The following RABGAP1L variants were observed in gnomAD, a reference collection of about 807,000 sequenced individuals.
RABGAP1L encodes RAB GTPase activating protein 1 like.
A neutral mutation model predicts 137.7 loss-of-function variants in RABGAP1L; 63 were observed. That is an observed-to-expected ratio of 0.46 (90% CI 0.37 to 0.56). The LOEUF is 0.56. RABGAP1L is among the 20% of genes least tolerant of loss of function. The probability of loss-of-function intolerance (pLI) is 0.00; values close to 1 mark genes in which losing one functional copy is unlikely to be tolerated. For synonymous variants in RABGAP1L, 431 were observed against 433.7 expected (o/e 0.99, Z 0.08); for missense variants, 1,095 against 1,244.0 (o/e 0.88, Z 1.80).
At chr1:174,970,973 T>C (rs2149367119) in intron 21 of RABGAP1L, among the ~76,000 whole-genome samples, 1 of 152,010 alleles carries the variant, frequency 6.6e-6, no homozygotes, top group Admixed American at 6.5e-5. Context: ...TGTTTGCATC[T>C]AAATTTCAAG....
intron 19 of RABGAP1L, among the ~76,000 whole-genome samples, chr1:174,832,482 C>T (rs1692212152): frequency 6.8e-6 from 1 of 147,730 alleles, no homozygotes; most frequent in South Asian, 2.3e-4. Flanking sequence ...TGATGTTCCC[C>T]ACTATTCTAG....
chr1:174,989,806 G>C (rs549548358), intron 25 of RABGAP1L, 43 bp from the exon 26 acceptor site: 1 of 1,533,300 alleles, frequency 6.5e-7, no homozygotes, highest in East Asian at 2.5e-5. Flanking sequence ...TTGGCAAAGA[G>C]AAAACATTTA....
At chr1:174,953,246 A>G (rs1187343608) in intron 19 of RABGAP1L, among the ~76,000 whole-genome samples, 1 of 152,242 alleles carries the variant, frequency 6.6e-6, no homozygotes, top group Non-Finnish European at 1.5e-5. Flanking sequence ...ATATACAAAT[A>G]TGAAATAAAC....
chr1:174,609,766 T>A (rs1413263689), intron 13 of RABGAP1L, among the ~76,000 whole-genome samples: 2 of 152,222 alleles, frequency 1.3e-5, no homozygotes, highest in Non-Finnish European at 2.9e-5. Flanking sequence ...GTAATTCATC[T>A]GTCACTTTAA....
intron 13 of RABGAP1L, among the ~76,000 whole-genome samples, chr1:174,582,603 G>A (rs1241634169): frequency 6.6e-6 from 1 of 152,144 alleles, no homozygotes; most frequent in Non-Finnish European, 1.5e-5. Flanking sequence ...TGGAGGGAAT[G>A]TTTAGCTTTG....
chr1:174,352,697 T>C (rs148181819), intron 11 of RABGAP1L, among the ~76,000 whole-genome samples: 2,075 of 152,312 alleles, frequency 0.014, 50 homozygotes, highest in African/African-American at 0.046. Context: ...AGTTTGGATT[T>C]ATTTGTACCA....
chr1:174,770,095 A>G (rs756882447), intron 18 of RABGAP1L, among the ~76,000 whole-genome samples: 28 of 152,240 alleles, frequency 1.8e-4, no homozygotes, highest in Non-Finnish European at 3.7e-4. Flanking sequence ...TGGATTTGCA[A>G]TGATTTTGTA....
intron 13 of RABGAP1L, among the ~76,000 whole-genome samples, chr1:174,542,882 G>A (rs543776253): frequency 6.6e-6 from 1 of 152,194 alleles, no homozygotes; most frequent in Non-Finnish European, 1.5e-5. Context: ...AGGTTGTTCA[G>A]TTTCCATGTA....
At chr1:174,669,893 A>G (rs1280669316) in intron 14 of RABGAP1L, among the ~76,000 whole-genome samples, 1 of 152,092 alleles carries the variant, frequency 6.6e-6, no homozygotes, top group Non-Finnish European at 1.5e-5. Context: ...TTTGTAGTGT[A>G]TTTTGAAGCC....
At chr1:174,957,617 G>A (rs1282020530) in intron 20 of RABGAP1L, 68 bp downstream of exon 20, 43 of 1,369,622 alleles carry the variant, frequency 3.1e-5, no homozygotes, top group Non-Finnish European at 4.0e-5. Flanking sequence ...GAGTCTTGCC[G>A]TGTTGCCCAG....
At chr1:174,358,232 A>G (rs538920266) in intron 11 of RABGAP1L, among the ~76,000 whole-genome samples, 5 of 152,214 alleles carry the variant, frequency 3.3e-5, no homozygotes, top group Non-Finnish European at 7.3e-5. Flanking sequence ...TCAGAGAACA[A>G]AGAGAAGGTT....
At chr1:174,921,888 G>T (rs1380172627) in intron 19 of RABGAP1L, among the ~76,000 whole-genome samples, 1 of 152,142 alleles carries the variant, frequency 6.6e-6, no homozygotes, top group East Asian at 1.9e-4. Context: ...TTGTAGGTGA[G>T]CACTAAATGC....
intron 19 of RABGAP1L, among the ~76,000 whole-genome samples, chr1:174,904,239 G>T (rs1485718502): frequency 6.6e-6 from 1 of 152,044 alleles, no homozygotes; most frequent in Non-Finnish European, 1.5e-5. Flanking sequence ...AGGTGTGGTG[G>T]CTCATGCCTA....
intron 18 of RABGAP1L, among the ~76,000 whole-genome samples, chr1:174,777,782 G>A (rs1686646320): frequency 6.6e-6 from 1 of 152,070 alleles, no homozygotes; most frequent in African/African-American, 2.4e-5. Context: ...AGGGCAGATG[G>A]GACATTGCAG....
chr1:174,816,302 A>G (rs1573335909), intron 19 of RABGAP1L, among the ~76,000 whole-genome samples: 3 of 151,880 alleles, frequency 2.0e-5, no homozygotes, highest in East Asian at 1.9e-4. Context: ...ATAGGCATGC[A>G]CCACCACGCC....
At chr1:174,350,892 CG>C (rs1249021229) in intron 11 of RABGAP1L, among the ~76,000 whole-genome samples, 1 of 104,618 alleles carries the variant, frequency 9.6e-6, no homozygotes, top group Non-Finnish European at 2.0e-5. Context: ...GGCTGGAGAC[CG>C]GCCCGGCCAA....
At chr1:174,718,661 G>A (rs1211496956) in intron 17 of RABGAP1L, among the ~76,000 whole-genome samples, 1 of 152,058 alleles carries the variant, frequency 6.6e-6, no homozygotes, top group East Asian at 1.9e-4. Context: ...AGCTGTATCA[G>A]GCTGAGTGTA....
At chr1:174,175,330 A>G (rs1665744350) in intron 1 of RABGAP1L, among the ~76,000 whole-genome samples, 2 of 152,166 alleles carry the variant, frequency 1.3e-5, no homozygotes, top group Admixed American at 6.5e-5. Context: ...TTGGGGTCTG[A>G]GCATAGATAT....
At position 174,861,135 on chromosome 1, in the gene RABGAP1L, T is replaced by C. The variant is rs138679927; in HGVS notation, c.2340+49175T>C. Among the ~76,000 whole-genome samples, 151 of 152,306 alleles carry C rather than the reference T, an allele frequency of 9.9e-4. 1 individual carries two copies. Among genetic ancestry groups the C allele is most frequent in the African/African-American group, 3.5e-3 (147 of 41,594 alleles). On this transcript the variant is annotated intron_variant, in intron 19 of 25. Coordinates refer to ENST00000681986, the MANE Select transcript of RABGAP1L (RefSeq NM_001366446.1). ...AAGGAGCAACCACCATTCTACTCTCTGCTTCTGTGAGTTTGACATTTTTAG... is the reference window on the plus strand; with the variant it reads ...AAGGAGCAACCACCATTCTACTCTCCGCTTCTGTGAGTTTGACATTTTTAG...
Sources: gnomAD v4.1 joint callset for allele counts (sites outside exome capture counted in the v4.1 genomes callset) on GRCh38, gnomAD v4.1.1 for gene constraint, MANE v1.5 for transcripts, NCBI Gene and HGNC (gene_info 2026-07-23, HGNC 2026-07-21) for gene names.